STAM: variants seen among roughly 807,000 people sequenced by gnomAD.
The protein encoded by STAM is signal transducing adaptor molecule.
Under a neutral mutation model 63.4 loss-of-function variants are expected in STAM, and 16 were observed. The observed-to-expected ratio is 0.25, with a 90% CI of 0.17 to 0.38. The LOEUF (loss-of-function observed/expected upper bound fraction) is 0.38. Among genes scored for constraint, STAM ranks in the 10% least tolerant of loss-of-function variants. The pLI, the probability that STAM is intolerant of heterozygous loss-of-function variation, is 1.00. For synonymous variants in STAM, 238 were observed against 223.9 expected, an observed-to-expected ratio of 1.06 and a Z score of -0.56; for missense variants, 636 against 657.1, an observed-to-expected ratio of 0.97 and a Z score of 0.35.
chr10:17,692,914 AAC>A (rs2131650459), intron 5 of STAM, among the ~76,000 whole-genome samples: 1 of 152,092 alleles, frequency 6.6e-6, no homozygotes, highest in South Asian at 2.1e-4. Context: ...AGTTTTTTTA[AAC>A]ACGTTGAAAT....
chr10:17,655,323 A>T (rs1554822004), intron 1 of STAM, among the ~76,000 whole-genome samples: 1 of 152,000 alleles, frequency 6.6e-6, no homozygotes, highest in Non-Finnish European at 1.5e-5. Flanking sequence ...AATTGTTTGG[A>T]TCTTTGTATT....
rs1368121198 is a variant in STAM at position 17,713,072 on chromosome 10, T to TCTC, written c.1386-1460_1386-1458dup. 7.9e-5 allele frequency among the ~76,000 whole-genome samples: 12 copies of TCTC among 152,258 alleles called. No homozygotes were observed. The South Asian group carries it at 1.0e-3, about 13-fold the overall frequency. On this transcript the variant is annotated intron_variant, in intron 13 of 13. Coordinates refer to ENST00000377524, the MANE Select transcript of STAM (RefSeq NM_003473.4). ...GCTAGACTCCCGGTCAGTTCACCAT[T>TCTC]CTCCTCCTCCTCCATTTGACAGTTC...
At chr10:17,696,456 A>G (rs782554172) in intron 7 of STAM, 1 of 227,170 alleles carries the variant, frequency 4.4e-6, no homozygotes, top group Non-Finnish European at 8.6e-6. Context: ...GCTCATTACA[A>G]AGACTTCTTA....
intron 8 of STAM, among the ~76,000 whole-genome samples, chr10:17,697,244 A>T (rs1325066909): frequency 6.6e-6 from 1 of 152,112 alleles, no homozygotes; most frequent in African/African-American, 2.4e-5. Flanking sequence ...TTTCTTTTTC[A>T]TATGTATCTA....
At chr10:17,659,393 G>GAAGAAA (rs1328346271) in intron 1 of STAM, among the ~76,000 whole-genome samples, 1 of 145,062 alleles carries the variant, frequency 6.9e-6, no homozygotes, top group African/African-American at 2.6e-5. Context: ...GTTAGAGTAA[G>GAAGAAA]AAGAAAAATA....
At chr10:17,680,325 C>T (rs1835029739) in intron 2 of STAM, among the ~76,000 whole-genome samples, 1 of 152,038 alleles carries the variant, frequency 6.6e-6, no homozygotes, top group Non-Finnish European at 1.5e-5. Context: ...ACTGTATACC[C>T]ATTAAACAAT....
intron 1 of STAM, among the ~76,000 whole-genome samples, chr10:17,648,890 G>T (rs568944585): frequency 6.6e-6 from 1 of 152,266 alleles, no homozygotes; most frequent in South Asian, 2.1e-4. Flanking sequence ...CTTCCTGTGT[G>T]TCTGATATGA....
rs1589009603 is a variant in STAM at position 17,644,186 on chromosome 10, T to G, written c.-154T>G. ...GCCGCCGCCGCAGCTGCTGCCGCGG[T>G]TGGTGGGGTTGGGTGAGAGGAGGAG... is the stretch of plus-strand genomic sequence containing the variant. On this transcript the variant is annotated 5_prime_UTR_variant, in exon 1 of 14. Transcript: ENST00000377524. 4 of 732,446 alleles carry G rather than the reference T, an allele frequency of 5.5e-6. No homozygotes were observed. The highest frequency in any genetic ancestry group is 1.6e-5 in the South Asian group (1 of 64,464). The allele number at this position is 732,446 out of a possible 1,614,324, so 45.4% of individuals were successfully genotyped here. A position where few individuals can be genotyped will look rare whatever the true frequency, so the allele number is the denominator to read the frequency against.
At chr10:17,673,370 T>G (rs1234072392) in intron 2 of STAM, among the ~76,000 whole-genome samples, 1 of 152,216 alleles carries the variant, frequency 6.6e-6, no homozygotes, top group African/African-American at 2.4e-5. Context: ...AAATATTAGT[T>G]GTACAATAGT....
chr10:17,701,997 G>C (rs1836019545), intron 9 of STAM, among the ~76,000 whole-genome samples: 2 of 152,048 alleles, frequency 1.3e-5, no homozygotes. Context: ...ACAGACCACT[G>C]TCATTCCATT....
At chr10:17,655,346 AG>A (rs1344825653) in intron 1 of STAM, among the ~76,000 whole-genome samples, 1 of 152,092 alleles carries the variant, frequency 6.6e-6, no homozygotes, top group African/African-American at 2.4e-5. Context: ...TTCTTATGCA[AG>A]GAATTAATCT....
chr10:17,671,455 C>A (rs1363595245), intron 2 of STAM, among the ~76,000 whole-genome samples: 1 of 152,208 alleles, frequency 6.6e-6, no homozygotes, highest in African/African-American at 2.4e-5. Context: ...TCCTCTTTTA[C>A]AGATGAGGTC....
intron 10 of STAM, 119 bp from the exon 11 acceptor site, chr10:17,704,851 G>A: frequency 2.3e-6 from 2 of 858,886 alleles, no homozygotes. Flanking sequence ...GTTAAAGAAT[G>A]TATATTTTTA....
At chr10:17,709,567 T>G (rs1277757096) in intron 13 of STAM, among the ~76,000 whole-genome samples, 1 of 152,158 alleles carries the variant, frequency 6.6e-6, no homozygotes, top group Admixed American at 6.5e-5. Flanking sequence ...TATTGTGTGT[T>G]TTTTCTGCTT....
At position 17,704,470 on chromosome 10, in the gene STAM, G is replaced by C. The variant is rs1176909857; in HGVS notation, c.952G>C (p.Asp318His). Residue 318 changes from aspartate to histidine, a missense_variant, in exon 10 of 14, where the codon GAC (aspartate) becomes CAC (histidine). Asp to His is a moderately conservative substitution (Grantham distance 81). Coordinates refer to ENST00000377524, the MANE Select transcript of STAM (RefSeq NM_003473.4). ...DQLLQMLQSTDPSDDQPDLPE... is the reference protein window; with the variant it reads ...DQLLQMLQSTHPSDDQPDLPE... ...GTTGCTACAGATGCTGCAAAGTACA[G>C]ACCCCAGTGATGATCAGCCAGACCT... 1 of 1,614,010 alleles carries C rather than the reference G, an allele frequency of 6.2e-7. No individual in the cohort carries two copies. The highest frequency in any genetic ancestry group is 1.3e-5 in the African/African-American group (1 of 74,934).
intron 1 of STAM, among the ~76,000 whole-genome samples, chr10:17,652,777 T>G (rs1394243000): frequency 1.3e-5 from 2 of 152,164 alleles, no homozygotes; most frequent in African/African-American, 4.8e-5. Flanking sequence ...TAAGTGATAT[T>G]GTTCAGAATG....
intron 8 of STAM, among the ~76,000 whole-genome samples, chr10:17,697,075 A>C (rs1347124889): frequency 6.6e-6 from 1 of 151,952 alleles, no homozygotes; most frequent in Non-Finnish European, 1.5e-5. Flanking sequence ...ACCCGCCGCC[A>C]TGTCCAGCTG....
At position 17,677,980 on chromosome 10, in the gene STAM, A is replaced by T. The variant is rs564561158; in HGVS notation, c.126-6695A>T. Among the ~76,000 whole-genome samples the T allele has an allele frequency of 5.3e-5, 8 of 152,288 alleles. No homozygotes were observed. In the South Asian group the frequency reaches 1.7e-3, roughly 32 times the overall value. ...AAAGTTTTTACTTTTATAAATACAT[A>T]TATATTTCACATACCATCAAATTTA... On this transcript the variant is annotated intron_variant, in intron 2 of 13. Transcript: ENST00000377524.
At chr10:17,648,700 G>A (rs530330069) in intron 1 of STAM, among the ~76,000 whole-genome samples, 2 of 152,294 alleles carry the variant, frequency 1.3e-5, no homozygotes, top group Admixed American at 6.5e-5. Flanking sequence ...AGTGGCAAGA[G>A]CCTTCTGGTA....
Sources: gnomAD v4.1 joint callset for allele counts (sites outside exome capture counted in the v4.1 genomes callset) on GRCh38, gnomAD v4.1.1 for gene constraint, MANE v1.5 for transcripts, NCBI Gene and HGNC (gene_info 2026-07-23, HGNC 2026-07-21) for gene names.